CNBD1: variants seen among roughly 807,000 people sequenced by gnomAD.
CNBD1 encodes cyclic nucleotide-binding domain-containing protein 1.
Under a neutral mutation model 54.4 loss-of-function variants are expected in CNBD1, and 71 were observed. The ratio of observed to expected loss-of-function variants is 1.30; its 90% CI spans 1.08 to 1.59. CNBD1 has a LOEUF of 1.59. CNBD1 is among the 40% of genes most tolerant of loss of function. The pLI, the probability that CNBD1 is intolerant of heterozygous loss-of-function variation, is 0.00. For synonymous variants in CNBD1, 182 were observed against 170.7 expected, an observed-to-expected ratio of 1.07 and a Z score of -0.51; for missense variants, 659 against 518.0, an observed-to-expected ratio of 1.27 and a Z score of -2.64.
At chr8:87,126,742 T>C (rs1811997848) in intron 4 of CNBD1, among the ~76,000 whole-genome samples, 1 of 151,984 alleles carries the variant, frequency 6.6e-6, no homozygotes, top group South Asian at 2.1e-4. Context: ...ATTTCTCCAA[T>C]GTATTATTCT....
At chr8:87,140,694 A>G (rs1332066021) in intron 4 of CNBD1, among the ~76,000 whole-genome samples, 1 of 152,168 alleles carries the variant, frequency 6.6e-6, no homozygotes, top group Non-Finnish European at 1.5e-5. Flanking sequence ...TTACAGTACT[A>G]TATCAAGATT....
At chr8:86,996,984 A>G (rs1808888609) in intron 4 of CNBD1, among the ~76,000 whole-genome samples, 1 of 152,184 alleles carries the variant, frequency 6.6e-6, no homozygotes, top group African/African-American at 2.4e-5. Context: ...AATCCCATTT[A>G]TAAAGATTTT....
At chr8:86,991,016 A>T (rs57261590) in intron 4 of CNBD1, among the ~76,000 whole-genome samples, 2,901 of 152,192 alleles carry the variant, frequency 0.019, 94 homozygotes, top group African/African-American at 0.059. Context: ...AATACTACAA[A>T]ATTTTGTTCA....
intron 1 of CNBD1, among the ~76,000 whole-genome samples, chr8:86,882,601 G>A (rs1362702432): frequency 1.3e-5 from 2 of 152,162 alleles, no homozygotes; most frequent in Non-Finnish European, 1.5e-5. Flanking sequence ...CATTGTGGAA[G>A]ACAGTGTGGC....
intron 2 of CNBD1, among the ~76,000 whole-genome samples, chr8:87,392,891 G>C (rs1003001271): frequency 4.0e-5 from 6 of 151,880 alleles, no homozygotes; most frequent in Non-Finnish European, 7.4e-5. Context: ...TATTGAAGGC[G>C]ATGGGAAGTC....
intron 8 of CNBD1, among the ~76,000 whole-genome samples, chr8:87,301,208 A>T (rs949457683): frequency 3.3e-5 from 5 of 152,156 alleles, no homozygotes; most frequent in Non-Finnish European, 7.4e-5. Context: ...ATGGTAATTT[A>T]AAAATTGCCA....
Position 87,108,626 on chromosome 8 carries a change from G to A in CNBD1, c.432-97367G>A, listed in dbSNP as rs540281648. Among the ~76,000 whole-genome samples the A allele has an allele frequency of 2.6e-5, 4 of 152,332 alleles. No individual in the cohort carries two copies. In the South Asian group the frequency reaches 8.3e-4, roughly 32 times the overall value. On this transcript the variant is annotated intron_variant, in intron 4 of 10. Transcript: ENST00000518476. ...ATTAAAAGAAGGTGTGTTGGAGGAA[G>A]GGGTTTTAAGGCTTTTCACTATGTG...
intron 2 of CNBD1, among the ~76,000 whole-genome samples, chr8:87,393,055 G>A (rs966802515): frequency 1.3e-5 from 2 of 151,862 alleles, no homozygotes; most frequent in African/African-American, 2.4e-5. Flanking sequence ...CTAAGGCTTA[G>A]GACAGAGGAA....
intron 2 of CNBD1, among the ~76,000 whole-genome samples, chr8:87,389,817 T>A (rs1811270539): frequency 6.6e-6 from 1 of 152,134 alleles, no homozygotes. Flanking sequence ...AGAACAAAAC[T>A]GGAGGCATCA....
chr8:87,038,850 A>G (rs979050739), intron 4 of CNBD1, among the ~76,000 whole-genome samples: 1 of 152,092 alleles, frequency 6.6e-6, no homozygotes. Context: ...TAATTTTCTC[A>G]CTGTTGTAAT....
intron 10 of CNBD1, among the ~76,000 whole-genome samples, chr8:87,355,472 G>A (rs543762409): frequency 1.3e-5 from 2 of 152,130 alleles, no homozygotes; most frequent in Admixed American, 1.3e-4. Flanking sequence ...TAGAGCTCTA[G>A]TAATAATAAC....
At chr8:87,426,263 A>C (rs1471725172) in intron 2 of CNBD1, among the ~76,000 whole-genome samples, 1 of 152,218 alleles carries the variant, frequency 6.6e-6, no homozygotes, top group African/African-American at 2.4e-5. Context: ...ATGGAAATGC[A>C]GAAATCACCC....
intron 4 of CNBD1, among the ~76,000 whole-genome samples, chr8:87,131,769 GA>G (rs1042294216): frequency 5.3e-4 from 81 of 151,500 alleles, no homozygotes; most frequent in South Asian, 3.7e-3. Context: ...ATCAAATTAT[GA>G]AAAAAAATAA....
intron 2 of CNBD1, among the ~76,000 whole-genome samples, chr8:87,398,946 T>C (rs1011040723): frequency 6.6e-6 from 1 of 152,054 alleles, no homozygotes; most frequent in African/African-American, 2.4e-5. Flanking sequence ...AGTGGGATAT[T>C]TTTTCTACTT....
intron 4 of CNBD1, among the ~76,000 whole-genome samples, chr8:87,022,605 A>G (rs998192693): frequency 5.3e-5 from 8 of 152,132 alleles, no homozygotes; most frequent in African/African-American, 1.4e-4. Flanking sequence ...CATTTTGTTT[A>G]CTCTGCCCTT....
chr8:87,162,182 A>G (rs1409820203), intron 4 of CNBD1, among the ~76,000 whole-genome samples: 1 of 152,202 alleles, frequency 6.6e-6, no homozygotes, highest in Non-Finnish European at 1.5e-5. Flanking sequence ...TCAAGAAAAA[A>G]CTAAATAGAG....
At chr8:87,123,661 A>G (rs1811933569) in intron 4 of CNBD1, among the ~76,000 whole-genome samples, 1 of 151,676 alleles carries the variant, frequency 6.6e-6, no homozygotes, top group Non-Finnish European at 1.5e-5. Flanking sequence ...AGAAAATAGT[A>G]AAAACCAGAG....
At chr8:87,069,677 G>T (rs946375827) in intron 4 of CNBD1, among the ~76,000 whole-genome samples, 2 of 152,032 alleles carry the variant, frequency 1.3e-5, no homozygotes, top group African/African-American at 4.8e-5. Context: ...TGAAAACTTG[G>T]AATATAAAAA....
At chr8:87,245,422 A>G (rs932494605) in intron 6 of CNBD1, among the ~76,000 whole-genome samples, 1 of 152,006 alleles carries the variant, frequency 6.6e-6, no homozygotes, top group South Asian at 2.1e-4. Flanking sequence ...CCGATATTTC[A>G]TTTCAGAAAC....
Sources: gnomAD v4.1 joint callset for allele counts (sites outside exome capture counted in the v4.1 genomes callset) on GRCh38, gnomAD v4.1.1 for gene constraint, MANE v1.5 for transcripts, NCBI Gene and HGNC (gene_info 2026-07-23, HGNC 2026-07-21) for gene names.